The following WDR49 variants were observed in gnomAD, a reference collection of about 807,000 sequenced individuals.
The protein encoded by WDR49 is cilia- and flagella-associated protein 337.
A neutral mutation model predicts 119.5 loss-of-function variants in WDR49; 107 were observed. That is an observed-to-expected ratio of 0.90 (90% confidence interval 0.77 to 1.05). The LOEUF is 1.05. WDR49 is among the 50% of genes least tolerant of loss of function. The pLI is 0.00. For missense variants in WDR49, 1,240 were observed against 1,220.5 expected, an observed-to-expected ratio of 1.02 and a Z score of -0.24; for synonymous variants, 425 against 418.8, an observed-to-expected ratio of 1.01 and a Z score of -0.18.
At chr3:167,537,332 CG>C (rs1711521944) in intron 10 of WDR49, among the ~76,000 whole-genome samples, 1 of 152,024 alleles carries the variant, frequency 6.6e-6, no homozygotes, top group East Asian at 1.9e-4. Flanking sequence ...ATGAAATCAC[CG>C]AGTTTTATAG....
At chr3:167,600,229 C>T (rs1715694774) in intron 7 of WDR49, among the ~76,000 whole-genome samples, 1 of 152,062 alleles carries the variant, frequency 6.6e-6, no homozygotes, top group Non-Finnish European at 1.5e-5. Flanking sequence ...GGTACAAGCA[C>T]TCCTTTAGCT....
At chr3:167,605,988 A>T (rs1174339871) in intron 5 of WDR49, among the ~76,000 whole-genome samples, 1 of 152,184 alleles carries the variant, frequency 6.6e-6, no homozygotes, top group Non-Finnish European at 1.5e-5. Context: ...TGATCTCTTG[A>T]CTATTGAAAC....
chr3:167,479,882 G>A (rs1267415025), intron 18 of WDR49, among the ~76,000 whole-genome samples: 1 of 152,026 alleles, frequency 6.6e-6, no homozygotes, highest in Non-Finnish European at 1.5e-5. Flanking sequence ...AGGTGGGGAA[G>A]AATTGGCAAG....
chr3:167,597,880 C>A (rs1715564143), intron 7 of WDR49, among the ~76,000 whole-genome samples: 2 of 152,180 alleles, frequency 1.3e-5, no homozygotes, highest in Admixed American at 1.3e-4. Flanking sequence ...ATTGCTTTAG[C>A]ATTTGCAGGC....
chr3:167,553,248 C>T (rs1234582513), intron 10 of WDR49, among the ~76,000 whole-genome samples: 1 of 151,968 alleles, frequency 6.6e-6, no homozygotes, highest in African/African-American at 2.4e-5. Flanking sequence ...GTCCTGACAA[C>T]CTTGAGGATA....
At chr3:167,567,853 G>A (rs924908954) in intron 8 of WDR49, among the ~76,000 whole-genome samples, 2 of 152,134 alleles carry the variant, frequency 1.3e-5, no homozygotes, top group Admixed American at 1.3e-4. Context: ...TGACTTCAAG[G>A]ACAAAGTATT....
At chr3:167,542,870 G>C (rs749017408) in intron 10 of WDR49, among the ~76,000 whole-genome samples, 1 of 151,902 alleles carries the variant, frequency 6.6e-6, no homozygotes, top group Non-Finnish European at 1.5e-5. Flanking sequence ...TCTTTGAAAA[G>C]ATAAACAAAA....
intron 7 of WDR49, among the ~76,000 whole-genome samples, chr3:167,583,647 G>A (rs9877618): frequency 0.23 from 34,594 of 151,982 alleles, 4,182 homozygotes; most frequent in Non-Finnish European, 0.25. Flanking sequence ...ACTTAAAATG[G>A]GGACACTGAA....
chr3:167,507,983 A>G (rs1751838334), intron 16 of WDR49, among the ~76,000 whole-genome samples: 2 of 152,212 alleles, frequency 1.3e-5, no homozygotes, highest in Admixed American at 6.5e-5. Flanking sequence ...TAGAGTTTTA[A>G]AACATTTTGC....
Position 167,579,430 on chromosome 3 carries a change from G to T in WDR49, c.1276-3279C>A, listed in dbSNP as rs138091372. 3.1e-3 allele frequency among the ~76,000 whole-genome samples: 467 copies of T among 152,138 alleles called. 12 individuals are homozygous for T. The highest frequency in any genetic ancestry group is 0.022 in the Admixed American group (341 of 15,258). ...CATAATCCTCAATGAAATTTTATGG[G>T]ACTTTTTAAAATATCTTACAGAAAT... On this transcript the variant is annotated intron_variant, in intron 7 of 18. Coordinates refer to ENST00000682715, the MANE Select transcript of WDR49 (RefSeq NM_001366157.1).
intron 9 of WDR49, among the ~76,000 whole-genome samples, chr3:167,558,521 C>A (rs1713078776): frequency 1.3e-5 from 2 of 152,130 alleles, no homozygotes; most frequent in African/African-American, 4.8e-5. Flanking sequence ...ATAAATGCAC[C>A]TTCAGAAGCA....
intron 7 of WDR49, among the ~76,000 whole-genome samples, chr3:167,589,964 G>A (rs1715021996): frequency 6.6e-6 from 1 of 151,926 alleles, no homozygotes; most frequent in Non-Finnish European, 1.5e-5. Context: ...GAATAACATA[G>A]TGGGCATTCT....
chr3:167,552,132 A>G (rs536561471), intron 10 of WDR49, among the ~76,000 whole-genome samples: 1 of 152,182 alleles, frequency 6.6e-6, no homozygotes, highest in Non-Finnish European at 1.5e-5. Context: ...TAGAATATAC[A>G]GAAAATGGGA....
chr3:167,598,178 G>A (rs1265659563), intron 7 of WDR49, among the ~76,000 whole-genome samples: 1 of 151,924 alleles, frequency 6.6e-6, no homozygotes, highest in East Asian at 1.9e-4. Flanking sequence ...GGTGGCAGGT[G>A]CCTGTAGTCT....
chr3:167,621,330 T>C, intron 4 of WDR49, 137 bp downstream of exon 4: 1 of 877,158 alleles, frequency 1.1e-6, no homozygotes, highest in Non-Finnish European at 1.6e-6. Context: ...CTAATCCATC[T>C]CTTCCATGTC....
In WDR49 at chr3:167,521,385, C is replaced by A. The variant is rs1752428566; in HGVS notation, c.2774+930G>T. Among the ~76,000 whole-genome samples the A allele has an allele frequency of 2.0e-5, 3 of 152,228 alleles. No homozygotes were observed. In the South Asian group the frequency reaches 6.2e-4, roughly 32 times the overall value. On this transcript the variant is annotated intron_variant, in intron 16 of 18. Transcript: ENST00000682715. ...GAGAATGCTTTGCACATCTGCCAAG[C>A]CTCAAGAACAGCAATGCTACCTTTT...
At chr3:167,641,736 G>A (rs1056817363) in intron 2 of WDR49, among the ~76,000 whole-genome samples, 4 of 151,498 alleles carry the variant, frequency 2.6e-5, no homozygotes, top group Non-Finnish European at 5.9e-5. Flanking sequence ...AAACACTGGG[G>A]GAAAACACAG....
intron 10 of WDR49, 37 bp downstream of exon 10, chr3:167,554,613 T>C (rs1269381705): frequency 1.5e-6 from 2 of 1,343,368 alleles, no homozygotes; most frequent in East Asian, 4.8e-5. Flanking sequence ...TTTTTTCTTT[T>C]AGATTTTGAT....
At chr3:167,499,789 G>A (rs1444070348) in intron 18 of WDR49, among the ~76,000 whole-genome samples, 4 of 152,110 alleles carry the variant, frequency 2.6e-5, no homozygotes, top group African/African-American at 4.8e-5. Flanking sequence ...AAACAAGATT[G>A]CCAGACACTG....
Sources: gnomAD v4.1 joint callset for allele counts (sites outside exome capture counted in the v4.1 genomes callset) on GRCh38, gnomAD v4.1.1 for gene constraint, MANE v1.5 for transcripts, NCBI Gene and HGNC (gene_info 2026-07-23, HGNC 2026-07-21) for gene names.